MNT: variants seen among roughly 807,000 people sequenced by gnomAD.
MNT encodes the protein max-binding protein MNT.
Under a neutral mutation model 40.7 loss-of-function variants are expected in MNT, and 13 were observed. The observed-to-expected ratio is 0.32, with a 90% CI of 0.21 to 0.51. The LOEUF (loss-of-function observed/expected upper bound fraction) is 0.51, where lower values mean the gene tolerates loss of function less well. Among genes scored for constraint, MNT ranks in the 20% least tolerant of loss-of-function variants. MNT has a pLI of 0.98. For synonymous variants in MNT, 426 were observed against 354.8 expected (o/e 1.20, Z -2.26); for missense variants, 757 against 792.0 (o/e 0.96, Z 0.53).
rs777899689 is a variant in MNT, at chr17:2,395,080, G to C, written c.448C>G (p.Leu150Val). 1.3e-6 allele frequency: 2 copies of C among 1,533,096 alleles called. No homozygotes were observed. The highest frequency in any genetic ancestry group is 2.6e-5 in the South Asian group (2 of 77,994). The allele number at this position is 1,533,096 out of a possible 1,614,324, so 95.0% of individuals were successfully genotyped here. ...GGAATGGTGGCCTTCGAGTCCGGCA[G>C]TAGGGGAGCAGGGGTGGGCACCTGC... is the stretch of plus-strand genomic sequence containing the variant. ...RPQVPTPAPL[L>V]PDSKATIPPN... Residue 150 changes from leucine to valine, a missense_variant, in exon 2 of 6, where the codon CTG becomes GTG. Around this residue, in one of 4 missense-constraint regions of MNT, gnomAD observed 335 missense variants for 291.4 expected, o/e 1.15. Transcript: ENST00000174618.
Position 2,399,467 on chromosome 17 carries a change from C to T in MNT, c.73+1173G>A, listed in dbSNP as rs190954254. On this transcript the variant is annotated intron_variant, in intron 1 of 5. Coordinates refer to ENST00000174618, the MANE Select transcript of MNT (RefSeq NM_020310.3). The stretch of plus-strand genomic sequence containing the variant: ...GTGGAAAAATGTGAGCTCTAAATGT[C>T]TCGTCGCCCTGCGATTCTGAGGGTT... 9.8e-4 allele frequency among the ~76,000 whole-genome samples: 149 copies of T among 152,338 alleles called. 3 individuals carry two copies. In the East Asian group the frequency reaches 0.019, roughly 19 times the overall value.
In MNT at chr17:2,400,761, G is replaced by C. The variant is rs1449353076; in HGVS notation, c.-49C>G. ...CGCCGGGGCCGAGGCTGCGGCCCGC[G>C]AGCCGGGCACAGGTCAGGCTGGCGG... On this transcript the variant is annotated 5_prime_UTR_variant, in exon 1 of 6. Transcript: ENST00000174618. 1 of 1,477,224 alleles carries C rather than the reference G, an allele frequency of 6.8e-7. No homozygotes were observed. Among genetic ancestry groups the C allele is most frequent in the Non-Finnish European group, 9.0e-7 (1 of 1,114,422 alleles). 91.5% of individuals were successfully genotyped at this position (1,477,224 alleles called of 1,614,324 possible). A position where few individuals can be genotyped will look rare whatever the true frequency, so the allele number is the denominator to read the frequency against.
At chr17:2,390,573 G>T (rs955719356) in intron 4 of MNT, 1 of 152,158 alleles carries the variant, frequency 6.6e-6, no homozygotes, top group Admixed American at 6.5e-5. Context: ...CTTCCATCCC[G>T]AAACCAGCCC....
At chr17:2,395,849 G>A (rs1428575790) in intron 1 of MNT, among the ~76,000 whole-genome samples, 2 of 152,188 alleles carry the variant, frequency 1.3e-5, no homozygotes, top group Non-Finnish European at 1.5e-5. Context: ...CCACAGGGCC[G>A]AGGTGGGAGA....
In MNT at chr17:2,384,103, T is replaced by C. The variant is rs920544525; in HGVS notation, c.*2798A>G. 7 of 152,596 alleles carry C rather than the reference T, an allele frequency of 4.6e-5. No homozygotes were observed. Among genetic ancestry groups the C allele is most frequent in the Non-Finnish European group, 8.8e-5 (6 of 68,034 alleles). 9.5% of individuals were successfully genotyped at this position (152,596 alleles called of 1,614,324 possible). A position where few individuals can be genotyped will look rare whatever the true frequency, so the allele number is the denominator to read the frequency against. On this transcript the variant is annotated 3_prime_UTR_variant, in exon 6 of 6. Transcript: ENST00000174618. ...TTTCAGTGCAGGTTTATTTCAGTTTTATATTTTATTCCAGGCAAGTGCTTA... is the reference window on the plus strand; with the variant it reads ...TTTCAGTGCAGGTTTATTTCAGTTTCATATTTTATTCCAGGCAAGTGCTTA...
At chr17:2,388,391 G>A (rs949223353) in intron 4 of MNT, 2 of 274,008 alleles carry the variant, frequency 7.3e-6, no homozygotes, top group African/African-American at 2.2e-5. Flanking sequence ...GCACACTTCT[G>A]CCGCGAGCTA....
rs1334015395 is a variant in MNT, at chr17:2,387,562, A to G, written c.1088T>C (p.Leu363Pro). The G allele has an allele frequency of 6.2e-7, 1 of 1,613,996 alleles. No individual in the cohort carries two copies. The highest frequency in any genetic ancestry group is 8.5e-7 in the Non-Finnish European group (1 of 1,179,962). The change falls in exon 6 of 6, where the codon CTG becomes CCG. Residue 363 changes from leucine to proline, a missense_variant. Around this residue, in one of 4 missense-constraint regions of MNT, gnomAD observed 345 missense variants for 380.1 expected, o/e 0.91. Transcript: ENST00000174618. ...GGGGGGTGGCAGGGTGGACTTCAGCAGCTCCGGCTGGGGACGATGGCTCAG... is the reference window on the plus strand; with the variant it reads ...GGGGGGTGGCAGGGTGGACTTCAGCGGCTCCGGCTGGGGACGATGGCTCAG... ...PKLSHRPQPE[L>P]LKSTLPPPST...
intron 1 of MNT, among the ~76,000 whole-genome samples, chr17:2,399,972 C>T (rs917144873): frequency 6.6e-6 from 1 of 152,214 alleles, no homozygotes; most frequent in Non-Finnish European, 1.5e-5. Flanking sequence ...CGCAGCCCAG[C>T]CCAGCTCTGG....
rs776316230 is a variant in MNT at position 2,395,411 on chromosome 17, TTCCTGCTCTCGC to T, written c.105_116del (p.Arg36_Glu39del). 2 of 1,613,378 alleles carry T rather than the reference TTCCTGCTCTCGC, an allele frequency of 1.2e-6. No individual in the cohort carries two copies. The highest frequency in any genetic ancestry group is 1.7e-5 in the Admixed American group (1 of 59,994). On this transcript the variant is annotated inframe_deletion, in exon 2 of 6. Coordinates refer to ENST00000174618, the MANE Select transcript of MNT (RefSeq NM_020310.3). ...TGGCCAGGCTATTGGCCTTCTTCTG[TTCCTGCTCTCGC>T]TCCTGCTCCAAGCGAAGCCGCTCCT...
Position 2,395,568 on chromosome 17 carries a change from A to G in MNT, c.74-114T>C, listed in dbSNP as rs968689205. 3.3e-6 allele frequency: 5 copies of G among 1,509,804 alleles called. No individual in the cohort carries two copies. The African/African-American group carries it at 4.1e-5, about 13-fold the overall frequency. The allele number at this position is 1,509,804 out of a possible 1,614,324, so 93.5% of individuals were successfully genotyped here. A position where few individuals can be genotyped will look rare whatever the true frequency, so the allele number is the denominator to read the frequency against. ...TACTCAGTGACACCCCTGCTCAGCGAGAGACACCACAAATAGCCTACCAGC... is the reference window on the plus strand; with the variant it reads ...TACTCAGTGACACCCCTGCTCAGCGGGAGACACCACAAATAGCCTACCAGC... On this transcript the variant is annotated intron_variant, in intron 1 of 5. Transcript: ENST00000174618.
At chr17:2,388,299 G>T in intron 4 of MNT, 1 of 476,438 alleles carries the variant, frequency 2.1e-6, no homozygotes, top group South Asian at 3.3e-5. Context: ...AGGTGTGCAG[G>T]TCCTTCCCTG....
At chr17:2,393,934 G>A (rs940047529) in intron 4 of MNT, 109 bp downstream of exon 4, 3 of 626,528 alleles carry the variant, frequency 4.8e-6, no homozygotes, top group Middle Eastern at 9.9e-4. Context: ...GTGGGAGGGA[G>A]GCGCGGGGGA....
rs777644419 is a variant in MNT at position 2,386,878 on chromosome 17, G to A, written c.*23C>T. 1 of 1,452,708 alleles carries A rather than the reference G, an allele frequency of 6.9e-7. No individual in the cohort carries two copies. The highest frequency in any genetic ancestry group is 1.5e-5 in the South Asian group (1 of 68,108). 90.0% of individuals were successfully genotyped at this position (1,452,708 alleles called of 1,614,324 possible). A position where few individuals can be genotyped will look rare whatever the true frequency, so the allele number is the denominator to read the frequency against. On this transcript the variant is annotated 3_prime_UTR_variant, in exon 6 of 6. Transcript: ENST00000174618. Reference sequence around the variant, plus strand: ...CAGGTCCCCCTCCCTGTCCCCACTGGGGGCCTCTGAGTGGCCTCGTCCTCA... The same window carrying A: ...CAGGTCCCCCTCCCTGTCCCCACTGAGGGCCTCTGAGTGGCCTCGTCCTCA...
chr17:2,397,049 A>G (rs950694236), intron 1 of MNT, among the ~76,000 whole-genome samples: 1 of 152,092 alleles, frequency 6.6e-6, no homozygotes, highest in African/African-American at 2.4e-5. Flanking sequence ...GAGGCCGAGG[A>G]GGAAGCGGAG....
At chr17:2,390,567 C>T (rs2066505147) in intron 4 of MNT, 1 of 152,214 alleles carries the variant, frequency 6.6e-6, no homozygotes, top group Non-Finnish European at 1.5e-5. Context: ...GGAACACTTC[C>T]ATCCCGAAAC....
At chr17:2,400,509 G>A in intron 1 of MNT, 131 bp downstream of exon 1, 1 of 768,000 alleles carries the variant, frequency 1.3e-6, no homozygotes, top group Non-Finnish European at 2.0e-6. Context: ...GCTCTCGCGG[G>A]GAGCCGTGCG....
chr17:2,399,416 G>A (rs748929024), intron 1 of MNT, among the ~76,000 whole-genome samples: 1 of 152,202 alleles, frequency 6.6e-6, no homozygotes, highest in African/African-American at 2.4e-5. Flanking sequence ...ATGCCAGGGG[G>A]CATAGTTGGA....
At chr17:2,392,488 C>T (rs961037424) in intron 4 of MNT, among the ~76,000 whole-genome samples, 5 of 152,214 alleles carry the variant, frequency 3.3e-5, no homozygotes, top group African/African-American at 9.6e-5. Context: ...CTCGCCATGC[C>T]GTCCTTCCTA....
Position 2,400,892 on chromosome 17 carries a change from CA to C in MNT, c.-181del. 2.9e-6 allele frequency: 1 copy of C among 341,584 alleles called. No individual in the cohort carries two copies. The highest frequency in any genetic ancestry group is 5.2e-6 in the Non-Finnish European group (1 of 191,456). The allele number at this position is 341,584 out of a possible 1,614,324, so 21.2% of individuals were successfully genotyped here. On this transcript the variant is annotated 5_prime_UTR_variant, in exon 1 of 6. Coordinates refer to ENST00000174618, the MANE Select transcript of MNT (RefSeq NM_020310.3). ...CACGGGGAGAAAAATCAATGTCTCT[CA>C]AAATATTTGCAAAATATAAAATTGC...
Sources: gnomAD v4.1 joint callset for allele counts (sites outside exome capture counted in the v4.1 genomes callset) on GRCh38, gnomAD v4.1.1 for gene constraint, gnomAD v4.1.1 regional missense constraint, MANE v1.5 for transcripts, NCBI Gene and HGNC (gene_info 2026-07-23, HGNC 2026-07-21) for gene names.